Variants in PDE6D observed in about 807,000 individuals in gnomAD.
PDE6D encodes the protein phosphodiesterase 6D.
PDE6D carries 10 observed loss-of-function variants against 21.9 expected under a neutral mutation model. The ratio of observed to expected loss-of-function variants is 0.46; its 90% CI spans 0.28 to 0.78. The LOEUF (loss-of-function observed/expected upper bound fraction) is 0.78, where lower values mean the gene tolerates loss of function less well. Ranked by LOEUF, PDE6D falls within the 30% of genes least tolerant of loss-of-function variation. The pLI, the probability that PDE6D is intolerant of heterozygous loss-of-function variation, is 0.12. For synonymous variants in PDE6D, 59 were observed against 63.5 expected, an observed-to-expected ratio of 0.93 and a Z score of 0.34; for missense variants, 139 against 184.8, an observed-to-expected ratio of 0.75 and a Z score of 1.44.
chr2:231,761,458 G>A (rs568621795), intron 1 of PDE6D, among the ~76,000 whole-genome samples: 123 of 152,344 alleles, frequency 8.1e-4, no homozygotes, highest in African/African-American at 2.8e-3. Flanking sequence ...TTACAGGCGT[G>A]AGCCACCAGG....
At chr2:231,738,617 CT>C (rs1358456100) in intron 2 of PDE6D, among the ~76,000 whole-genome samples, 1 of 152,088 alleles carries the variant, frequency 6.6e-6, no homozygotes, top group Non-Finnish European at 1.5e-5. Flanking sequence ...AGAGAAAGAA[CT>C]GTTAAGAAAG....
chr2:231,743,609 G>A (rs995472136), intron 1 of PDE6D, among the ~76,000 whole-genome samples: 5 of 151,940 alleles, frequency 3.3e-5, no homozygotes, highest in African/African-American at 1.2e-4. Context: ...CTCAGGGTGT[G>A]CAATTCCTAA....
intron 1 of PDE6D, among the ~76,000 whole-genome samples, chr2:231,748,027 G>T (rs2048808611): frequency 6.6e-6 from 1 of 152,014 alleles, no homozygotes; most frequent in Non-Finnish European, 1.5e-5. Flanking sequence ...TCCCAGTTTC[G>T]GGTATGTCTT....
At chr2:231,776,198 G>A (rs1016719418) in intron 1 of PDE6D, among the ~76,000 whole-genome samples, 1 of 151,916 alleles carries the variant, frequency 6.6e-6, no homozygotes, top group Non-Finnish European at 1.5e-5. Context: ...GCAGGTGCCT[G>A]TAATCCCAGC....
chr2:231,762,691 C>T (rs4017857), intron 1 of PDE6D, among the ~76,000 whole-genome samples: 8,885 of 152,014 alleles, frequency 0.058, 314 homozygotes, highest in South Asian at 0.093. Context: ...CTGTAAGCAA[C>T]GCAAAATTAT....
chr2:231,749,722 T>G (rs1201787399), intron 1 of PDE6D, among the ~76,000 whole-genome samples: 3 of 152,050 alleles, frequency 2.0e-5, no homozygotes, highest in African/African-American at 7.2e-5. Flanking sequence ...TTAGTAAAGA[T>G]GGGGTTTTGC....
chr2:231,775,857 C>T (rs1457816043), intron 1 of PDE6D, among the ~76,000 whole-genome samples: 1 of 152,076 alleles, frequency 6.6e-6, no homozygotes, highest in Non-Finnish European at 1.5e-5. Context: ...CATTACTACT[C>T]TGTATCTTAT....
At chr2:231,742,498 GT>G (rs557442870) in intron 1 of PDE6D, among the ~76,000 whole-genome samples, 2 of 151,786 alleles carry the variant, frequency 1.3e-5, no homozygotes, top group South Asian at 2.1e-4. Flanking sequence ...GAGTGCTAAG[GT>G]TTTTTTTGTT....
chr2:231,764,724 C>CTTGTT (rs1203330800), intron 1 of PDE6D, among the ~76,000 whole-genome samples: 2 of 152,292 alleles, frequency 1.3e-5, no homozygotes, highest in African/African-American at 4.8e-5. Context: ...GCATCACCTC[C>CTTGTT]TATCCTGGCC....
chr2:231,769,234 A>G (rs2048996405), intron 1 of PDE6D, among the ~76,000 whole-genome samples: 1 of 152,218 alleles, frequency 6.6e-6, no homozygotes, highest in African/African-American at 2.4e-5. Flanking sequence ...CTGTTAACAA[A>G]TGTCTGAATG....
intron 1 of PDE6D, among the ~76,000 whole-genome samples, chr2:231,747,272 G>T (rs540755663): frequency 6.6e-6 from 1 of 152,120 alleles, no homozygotes; most frequent in Non-Finnish European, 1.5e-5. Context: ...TGTATTTTTA[G>T]TAGAGACGGG....
chr2:231,743,790 C>T (rs530468924), intron 1 of PDE6D, among the ~76,000 whole-genome samples: 11 of 152,138 alleles, frequency 7.2e-5, no homozygotes, highest in Admixed American at 2.0e-4. Context: ...ATTATAATTA[C>T]TATAAATATG....
At chr2:231,743,908 T>C (rs1364988755) in intron 1 of PDE6D, among the ~76,000 whole-genome samples, 2 of 152,170 alleles carry the variant, frequency 1.3e-5, no homozygotes, top group African/African-American at 4.8e-5. Context: ...AGATCTAAAC[T>C]GTCCCAGGCA....
At chr2:231,745,242 G>C (rs1042856177) in intron 1 of PDE6D, among the ~76,000 whole-genome samples, 1 of 151,812 alleles carries the variant, frequency 6.6e-6, no homozygotes, top group Non-Finnish European at 1.5e-5. Flanking sequence ...AAAAAAAACC[G>C]AGGAAACATT....
intron 1 of PDE6D, among the ~76,000 whole-genome samples, chr2:231,745,971 G>C (rs2048790660): frequency 6.6e-6 from 1 of 152,122 alleles, no homozygotes; most frequent in Non-Finnish European, 1.5e-5. Context: ...TTCCTTGAGA[G>C]ATGTGAAAGT....
At chr2:231,781,023 C>G in intron 1 of PDE6D, 42 bp downstream of exon 1, 1 of 1,576,676 alleles carries the variant, frequency 6.3e-7, no homozygotes, top group Non-Finnish European at 8.7e-7. Flanking sequence ...GAGCGGCCGC[C>G]TCCCAAGTCC....
intron 1 of PDE6D, among the ~76,000 whole-genome samples, chr2:231,764,282 T>C (rs921329228): frequency 6.6e-5 from 10 of 152,032 alleles, no homozygotes; most frequent in Admixed American, 2.0e-4. Context: ...CTACATGTGG[T>C]GGTGTGTGCC....
intron 4 of PDE6D, among the ~76,000 whole-genome samples, chr2:231,735,050 G>A (rs2048687085): frequency 6.7e-6 from 1 of 149,548 alleles, no homozygotes; most frequent in East Asian, 2.1e-4. Flanking sequence ...AGACCATCCT[G>A]GCTAACATGG....
chr2:231,736,777 C>T (rs572788571), intron 4 of PDE6D, among the ~76,000 whole-genome samples: 6 of 152,228 alleles, frequency 3.9e-5, no homozygotes, highest in African/African-American at 9.6e-5. Flanking sequence ...AACATAGATT[C>T]GGTATATATA....
Sources: allele counts gnomAD v4.1 joint callset (sites outside exome capture counted in the v4.1 genomes callset), GRCh38; gene constraint gnomAD v4.1.1; transcripts MANE v1.5; gene names NCBI Gene and HGNC (gene_info 2026-07-23, HGNC 2026-07-21).